CNTNAP5: variants seen among roughly 807,000 people sequenced by gnomAD.
The protein encoded by CNTNAP5 is contactin associated protein family member 5.
Under a neutral mutation model 150.2 loss-of-function variants are expected in CNTNAP5, and 72 were observed. That is an observed-to-expected ratio of 0.48 (90% CI 0.40 to 0.58). CNTNAP5 has a LOEUF of 0.58. CNTNAP5 is among the 20% of genes least tolerant of loss of function. The pLI is 0.00. For synonymous variants in CNTNAP5, 672 were observed against 619.8 expected (o/e 1.08, Z -1.25); for missense variants, 1,636 against 1,626.2 (o/e 1.01, Z -0.10).
At chr2:124,414,258 G>A (rs1304783599) in intron 3 of CNTNAP5, among the ~76,000 whole-genome samples, 6 of 151,972 alleles carry the variant, frequency 3.9e-5, no homozygotes, top group Admixed American at 2.0e-4. Context: ...TATTCATCCG[G>A]CACATAACTT....
intron 13 of CNTNAP5, among the ~76,000 whole-genome samples, chr2:124,698,675 A>T (rs189283609): frequency 2.3e-4 from 35 of 152,188 alleles, no homozygotes; most frequent in African/African-American, 8.2e-4. Context: ...CGACACTGGC[A>T]TTCCCATTGT....
At chr2:124,473,557 G>A (rs1437584610) in intron 6 of CNTNAP5, among the ~76,000 whole-genome samples, 1 of 152,000 alleles carries the variant, frequency 6.6e-6, no homozygotes, top group African/African-American at 2.4e-5. Flanking sequence ...AAGTGTATCA[G>A]TAGTTATTCA....
At chr2:124,900,257 G>A (rs1453883404) in intron 21 of CNTNAP5, among the ~76,000 whole-genome samples, 1 of 151,518 alleles carries the variant, frequency 6.6e-6, no homozygotes, top group Non-Finnish European at 1.5e-5. Flanking sequence ...AGCTTTAAAA[G>A]TATTGTTTTT....
intron 12 of CNTNAP5, among the ~76,000 whole-genome samples, chr2:124,610,483 A>T (rs1677355736): frequency 6.6e-6 from 1 of 152,182 alleles, no homozygotes; most frequent in African/African-American, 2.4e-5. Context: ...AACAAAACAA[A>T]ATGAAAAGGT....
At chr2:124,910,723 G>T (rs1678637585) in intron 22 of CNTNAP5, among the ~76,000 whole-genome samples, 1 of 151,882 alleles carries the variant, frequency 6.6e-6, no homozygotes, top group South Asian at 2.1e-4. Flanking sequence ...TACTCATGTT[G>T]TAGTCATTTT....
intron 1 of CNTNAP5, among the ~76,000 whole-genome samples, chr2:124,042,978 G>T (rs930235974): frequency 1.3e-5 from 2 of 152,182 alleles, no homozygotes; most frequent in Non-Finnish European, 2.9e-5. Context: ...AGATCAGTTA[G>T]ATAATAATCC....
At chr2:124,136,420 T>C (rs1683974559) in intron 1 of CNTNAP5, among the ~76,000 whole-genome samples, 1 of 152,202 alleles carries the variant, frequency 6.6e-6, no homozygotes, top group East Asian at 1.9e-4. Flanking sequence ...AAACACACTT[T>C]GTATACTTTA....
At chr2:124,356,953 T>G (rs971532282) in intron 3 of CNTNAP5, among the ~76,000 whole-genome samples, 18 of 152,202 alleles carry the variant, frequency 1.2e-4, no homozygotes, top group African/African-American at 3.4e-4. Flanking sequence ...TTTCTTCACA[T>G]CCTCTCCAGC....
intron 17 of CNTNAP5, among the ~76,000 whole-genome samples, chr2:124,780,244 G>T (rs1196791354): frequency 6.6e-6 from 1 of 152,158 alleles, no homozygotes; most frequent in Non-Finnish European, 1.5e-5. Context: ...AATAAGAATG[G>T]CAAGCAAAAG....
At chr2:124,294,898 G>A (rs1688383005) in intron 3 of CNTNAP5, among the ~76,000 whole-genome samples, 1 of 152,126 alleles carries the variant, frequency 6.6e-6, no homozygotes, top group South Asian at 2.1e-4. Flanking sequence ...ACAAGGTCAG[G>A]AGTTTGAAAA....
rs143636093 is a variant in CNTNAP5 at position 124,503,468 on chromosome 2, A to G, written c.1063-824A>G. On this transcript the variant is annotated intron_variant, in intron 7 of 23. Coordinates refer to ENST00000682447, the MANE Select transcript of CNTNAP5 (RefSeq NM_001367498.1). Reference sequence around the variant, plus strand: ...GTGGGATCCTTACCTTTTTTTTGCTATGCAAAGAATAATCTTCTTACTCTT... The same window carrying G: ...GTGGGATCCTTACCTTTTTTTTGCTGTGCAAAGAATAATCTTCTTACTCTT... Among the ~76,000 whole-genome samples, 359 of 152,208 alleles carry G rather than the reference A, an allele frequency of 2.4e-3. 2 individuals carry two copies. The highest frequency in any genetic ancestry group is 8.2e-3 in the African/African-American group (339 of 41,548).
chr2:124,271,114 G>A (rs56246199), intron 3 of CNTNAP5, among the ~76,000 whole-genome samples: 5 of 152,040 alleles, frequency 3.3e-5, no homozygotes, highest in South Asian at 2.1e-4. Flanking sequence ...TGAATGTTTC[G>A]ATGTGAAAAA....
chr2:124,191,700 G>A lies in CNTNAP5; in HGVS notation c.83-30005G>A, dbSNP rs545040362. ...GGAGGCCCAGGCAGGTGGATCACCT[G>A]AGGTCAGGAGTTGAGACCAGCCTGA... On this transcript the variant is annotated intron_variant, in intron 1 of 23. Transcript: ENST00000682447. Among the ~76,000 whole-genome samples, 10 of 152,094 alleles carry A rather than the reference G, an allele frequency of 6.6e-5. No homozygotes were observed. The East Asian group carries it at 1.9e-3, about 30-fold the overall frequency.
chr2:124,069,040 G>A (rs918869514), intron 1 of CNTNAP5, among the ~76,000 whole-genome samples: 1 of 152,018 alleles, frequency 6.6e-6, no homozygotes, highest in Non-Finnish European at 1.5e-5. Context: ...GGGATCTTGG[G>A]GTACCCAAGT....
At chr2:124,558,426 G>T (rs914627159) in intron 10 of CNTNAP5, among the ~76,000 whole-genome samples, 1 of 1,884 alleles carries the variant, frequency 5.3e-4, no homozygotes, top group African/African-American at 6.2e-4. Context: ...GGAGGAGATT[G>T]GAAAGTAATA....
Position 124,916,472 on chromosome 2 carries a change from T to C in CNTNAP5, c.*2184T>C, listed in dbSNP as rs1176993226. 6.6e-6 allele frequency among the ~76,000 whole-genome samples: 1 copy of C among 152,076 alleles called. No homozygotes were observed. Among genetic ancestry groups the C allele is most frequent in the Non-Finnish European group, 1.5e-5 (1 of 67,994 alleles). ...AAATAAAAGTCACCATGAAGTGTAG[T>C]AGGTTTAGCCTGAAGCAGCTCCAAT... On this transcript the variant is annotated 3_prime_UTR_variant, in exon 24 of 24. Coordinates refer to ENST00000682447, the MANE Select transcript of CNTNAP5 (RefSeq NM_001367498.1).
chr2:124,336,127 A>G (rs549216191), intron 3 of CNTNAP5, among the ~76,000 whole-genome samples: 5 of 150,710 alleles, frequency 3.3e-5, no homozygotes, highest in Admixed American at 6.6e-5. Flanking sequence ...CAGATAACAG[A>G]TTTTAAATGA....
At chr2:124,846,698 G>T (rs1013493000) in intron 19 of CNTNAP5, among the ~76,000 whole-genome samples, 2 of 152,142 alleles carry the variant, frequency 1.3e-5, no homozygotes, top group Non-Finnish European at 2.9e-5. Context: ...CATTTGGGTA[G>T]ACTATGTCAG....
At chr2:124,440,314 CA>C (rs1479329874) in intron 5 of CNTNAP5, among the ~76,000 whole-genome samples, 1 of 152,082 alleles carries the variant, frequency 6.6e-6, no homozygotes, top group Non-Finnish European at 1.5e-5. Flanking sequence ...CCTATTTTAT[CA>C]AGAGTAAATC....
Sources: gnomAD v4.1 joint callset for allele counts (sites outside exome capture counted in the v4.1 genomes callset) on GRCh38, gnomAD v4.1.1 for gene constraint, MANE v1.5 for transcripts, NCBI Gene and HGNC (gene_info 2026-07-23, HGNC 2026-07-21) for gene names.